ZBTB46: variants seen among roughly 807,000 people sequenced by gnomAD.
ZBTB46 encodes zinc finger and BTB domain-containing protein 46.
A neutral mutation model predicts 44.1 loss-of-function variants in ZBTB46; 8 were observed. The ratio of observed to expected loss-of-function variants is 0.18; its 90% CI spans 0.11 to 0.33. ZBTB46 has a LOEUF of 0.33. Ranked by LOEUF, ZBTB46 falls within the 10% of genes least tolerant of loss-of-function variation. ZBTB46 has a pLI of 1.00. For missense variants in ZBTB46, 651 were observed against 847.7 expected (o/e 0.77, Z 2.88); for synonymous variants, 409 against 382.3 (o/e 1.07, Z -0.81).
At chr20:63,795,566 CG>C (rs2092597080) in intron 1 of ZBTB46, among the ~76,000 whole-genome samples, 1 of 152,234 alleles carries the variant, frequency 6.6e-6, no homozygotes, top group African/African-American at 2.4e-5. Flanking sequence ...TGCACGCTAA[CG>C]AACTGAGGGC....
chr20:63,821,804 A>G (rs2092793913), intron 1 of ZBTB46, among the ~76,000 whole-genome samples: 1 of 152,210 alleles, frequency 6.6e-6, no homozygotes, highest in Non-Finnish European at 1.5e-5. Context: ...ACAGAGTAAC[A>G]TTAACCTGAA....
Position 63,744,514 on chromosome 20 carries a change from TAC to T in ZBTB46, c.*2414_*2415del, listed in dbSNP as rs1458869728. The T allele has an allele frequency of 6.6e-6, 1 of 152,356 alleles. No individual in the cohort carries two copies. Among genetic ancestry groups the T allele is most frequent in the East Asian group, 1.9e-4 (1 of 5,294 alleles). The allele number at this position is 152,356 out of a possible 1,614,324, so 9.4% of individuals were successfully genotyped here. ...AAAATACAAAATGTGAAATGTAATC[TAC>T]ACATTTTTCCTCTTCATAAAAAAAT... is the stretch of plus-strand genomic sequence containing the variant. On this transcript the variant is annotated 3_prime_UTR_variant, in exon 5 of 5. Coordinates refer to ENST00000245663, the MANE Select transcript of ZBTB46 (RefSeq NM_001369741.1).
intron 1 of ZBTB46, among the ~76,000 whole-genome samples, chr20:63,811,038 CTT>C (rs1228537001): frequency 1.3e-5 from 2 of 152,232 alleles, no homozygotes; most frequent in African/African-American, 2.4e-5. Context: ...GTTCCACTCT[CTT>C]TGACTTTTCA....
chr20:63,757,664 G>A (rs2092233245), intron 3 of ZBTB46, among the ~76,000 whole-genome samples: 1 of 152,134 alleles, frequency 6.6e-6, no homozygotes, highest in African/African-American at 2.4e-5. Flanking sequence ...GCCATGTGTA[G>A]GAACCCTGGC....
chr20:63,824,703 C>G (rs550589407), intron 1 of ZBTB46, among the ~76,000 whole-genome samples: 246 of 125,076 alleles, frequency 2.0e-3, no homozygotes, highest in African/African-American at 6.9e-3. Flanking sequence ...AACCCTCCCT[C>G]CCCCATCTTC....
chr20:63,824,335 G>C (rs182429601), intron 1 of ZBTB46, among the ~76,000 whole-genome samples: 17 of 152,214 alleles, frequency 1.1e-4, no homozygotes, highest in African/African-American at 4.1e-4. Context: ...AGCTGGCTTT[G>C]AACTTGCCAA....
rs1414023978 is a variant in ZBTB46, at chr20:63,823,888, G to GTGTGTGTGTGTGTGTGTGTGTGT, written c.-34+7208_-34+7209insACACACACACACACACACACACA. On this transcript the variant is annotated intron_variant, in intron 1 of 4. Transcript: ENST00000245663. ...TGTGTGTGTGTGTGTGTGTGTGTGT[G>GTGTGTGTGTGTGTGTGTGTGTGT]TTCTTTGGGACTGCTCCGTTTTCTG... Among the ~76,000 whole-genome samples, 88 of 151,538 alleles carry GTGTGTGTGTGTGTGTGTGTGTGT rather than the reference G, an allele frequency of 5.8e-4. 1 individual carries two copies. The highest frequency in any genetic ancestry group is 2.0e-3 in the African/African-American group (83 of 41,152).
intron 1 of ZBTB46, among the ~76,000 whole-genome samples, chr20:63,812,978 G>C (rs1049258472): frequency 1.3e-5 from 2 of 151,876 alleles, no homozygotes; most frequent in African/African-American, 4.8e-5. Context: ...CGTGCCTGTA[G>C]TCCCAGCTAC....
intron 4 of ZBTB46, among the ~76,000 whole-genome samples, chr20:63,748,133 A>T (rs557233159): frequency 6.6e-6 from 1 of 151,914 alleles, no homozygotes; most frequent in African/African-American, 2.4e-5. Context: ...CAACTCCCCC[A>T]CTCTCAGGCT....
At position 63,790,588 on chromosome 20, in the gene ZBTB46, T is replaced by C. The variant is rs775878023; in HGVS notation, c.170A>G (p.Lys57Arg). 6.2e-7 allele frequency: 1 copy of C among 1,613,040 alleles called. No homozygotes were observed. The highest frequency in any genetic ancestry group is 8.5e-7 in the Non-Finnish European group (1 of 1,180,042). Residue 57 changes from lysine (K) to arginine (R), a missense_variant, in exon 2 of 5, where the codon AAG becomes AGG. Transcript: ENST00000245663. ...NVLLGSSRYFKTLYCQVQKTS... is the reference protein window; with the variant it reads ...NVLLGSSRYFRTLYCQVQKTS... ...CTTCTGCACCTGGCAGTAGAGCGTC[T>C]TGAAGTAGCGGCTGCTGCCCAGCAG... is the stretch of plus-strand genomic sequence containing the variant.
At position 63,776,661 on chromosome 20, in the gene ZBTB46, G is replaced by A. The variant is rs111728362; in HGVS notation, c.938-699C>T. Among the ~76,000 whole-genome samples the A allele has an allele frequency of 2.7e-3, 411 of 152,036 alleles. 2 individuals carry two copies. The highest frequency in any genetic ancestry group is 9.2e-3 in the African/African-American group (382 of 41,484). On this transcript the variant is annotated intron_variant, in intron 2 of 4. Coordinates refer to ENST00000245663, the MANE Select transcript of ZBTB46 (RefSeq NM_001369741.1). ...TCTACTAAAAATACAAAAATTAGCC[G>A]GGCGTGGTGGCACGTGCCTGTAATC...
intron 1 of ZBTB46, among the ~76,000 whole-genome samples, chr20:63,823,637 G>A (rs1053374998): frequency 7.9e-5 from 12 of 152,058 alleles, no homozygotes; most frequent in African/African-American, 1.9e-4. Flanking sequence ...GGTCGAGGCC[G>A]CAGTGAGCCA....
chr20:63,758,165 C>A (rs2092241213), intron 3 of ZBTB46, among the ~76,000 whole-genome samples: 1 of 68,010 alleles, frequency 1.5e-5, no homozygotes, highest in African/African-American at 6.6e-5. Flanking sequence ...CCTCCACCCG[C>A]CCCGTCCAGA....
intron 1 of ZBTB46, among the ~76,000 whole-genome samples, chr20:63,817,436 C>T (rs2092765672): frequency 6.6e-6 from 1 of 151,178 alleles, no homozygotes; most frequent in African/African-American, 2.4e-5. Flanking sequence ...AAAAAGAGGC[C>T]GGGTGCAGTG....
At chr20:63,815,229 G>A (rs1248454869) in intron 1 of ZBTB46, 1 of 238,158 alleles carries the variant, frequency 4.2e-6, no homozygotes, top group Non-Finnish European at 8.4e-6. Context: ...CAAGTGCAGT[G>A]AGTGCAATGG....
At chr20:63,813,029 C>T (rs907169923) in intron 1 of ZBTB46, among the ~76,000 whole-genome samples, 4 of 151,790 alleles carry the variant, frequency 2.6e-5, no homozygotes, top group Non-Finnish European at 5.9e-5. Flanking sequence ...ACACGGAAGG[C>T]GGAGGTTGCA....
At chr20:63,817,427 A>G (rs1202082594) in intron 1 of ZBTB46, among the ~76,000 whole-genome samples, 1 of 151,732 alleles carries the variant, frequency 6.6e-6, no homozygotes, top group Admixed American at 6.6e-5. Flanking sequence ...TAGAAAAAGA[A>G]AAAGAGGCCG....
intron 3 of ZBTB46, among the ~76,000 whole-genome samples, chr20:63,765,194 G>C (rs899398334): frequency 6.6e-6 from 1 of 151,924 alleles, no homozygotes; most frequent in African/African-American, 2.4e-5. Flanking sequence ...CCTCCTCTTT[G>C]TTTCTTGCTT....
rs565476844 is a variant in ZBTB46 at position 63,806,844 on chromosome 20, G to A, written c.-33-16054C>T. On this transcript the variant is annotated intron_variant, in intron 1 of 4. Transcript: ENST00000245663. Reference sequence around the variant, plus strand: ...GTCGGCCAGGATGGAGTGCAGTGGCGCCATCTCGGCTCACTGCAAGCTCCG... The same window carrying A: ...GTCGGCCAGGATGGAGTGCAGTGGCACCATCTCGGCTCACTGCAAGCTCCG... Among the ~76,000 whole-genome samples, 337 of 151,632 alleles carry A rather than the reference G, an allele frequency of 2.2e-3. 1 individual carries two copies. Among genetic ancestry groups the A allele is most frequent in the African/African-American group, 7.7e-3 (319 of 41,330 alleles).
Sources: allele counts gnomAD v4.1 joint callset (sites outside exome capture counted in the v4.1 genomes callset), GRCh38; gene constraint gnomAD v4.1.1; transcripts MANE v1.5; gene names NCBI Gene and HGNC (gene_info 2026-07-23, HGNC 2026-07-21).